Variants in GPR137B observed in about 807,000 individuals in gnomAD.
The protein encoded by GPR137B is integral membrane protein GPR137B.
A neutral mutation model predicts 42.5 loss-of-function variants in GPR137B; 42 were observed. That is an observed-to-expected ratio of 0.99 (90% CI 0.77 to 1.28). The LOEUF (loss-of-function observed/expected upper bound fraction) is 1.28, where lower values mean the gene tolerates loss of function less well. GPR137B is among the 50% of genes most tolerant of loss of function. The probability of loss-of-function intolerance (pLI) is 0.00; values close to 1 mark genes in which losing one functional copy is unlikely to be tolerated. For synonymous variants in GPR137B, 218 were observed against 209.7 expected (o/e 1.04, Z -0.34); for missense variants, 487 against 493.9 (o/e 0.99, Z 0.13).
At chr1:236,154,323 G>A (rs754864819) in intron 1 of GPR137B, among the ~76,000 whole-genome samples, 18 of 152,130 alleles carry the variant, frequency 1.2e-4, no homozygotes, top group Non-Finnish European at 1.8e-4. Flanking sequence ...AACAGCACGC[G>A]TCATCCGTCC....
At chr1:236,183,589 T>C (rs963474583) in intron 4 of GPR137B, among the ~76,000 whole-genome samples, 189 bp from the exon 5 acceptor site, 7 of 152,230 alleles carry the variant, frequency 4.6e-5, no homozygotes, top group Admixed American at 2.0e-4. Flanking sequence ...TTTAGGAGAA[T>C]GTACTATACT....
chr1:236,150,878 C>G lies in GPR137B; in HGVS notation c.414+7842C>G, dbSNP rs532556513. Among the ~76,000 whole-genome samples the G allele has an allele frequency of 1.3e-5, 2 of 152,312 alleles. No individual in the cohort carries two copies. Among genetic ancestry groups the G allele is most frequent in the African/African-American group, 4.8e-5 (2 of 41,568 alleles). On this transcript the variant is annotated intron_variant, in intron 1 of 6. Transcript: ENST00000366592. The surrounding 1 kb of genome is among the most constrained non-coding windows in gnomAD (Gnocchi z 6.2). ...CATGGCTGTCCCGCTGCTGCTGTGC[C>G]CACCCTCTGAGCCCCAGGCTAGCTG...
At position 236,208,746 on chromosome 1, in the gene GPR137B, T is replaced by C. The variant is rs1386053926; in HGVS notation, c.*588T>C. 1.0e-6 allele frequency: 1 copy of C among 985,350 alleles called. No individual in the cohort carries two copies. The highest frequency in any genetic ancestry group is 6.1e-5 in the Admixed American group (1 of 16,264). 61.0% of individuals were successfully genotyped at this position (985,350 alleles called of 1,614,324 possible). The stretch of plus-strand genomic sequence containing the variant: ...CTGTAAGGTCTTTAGAGATTTTTTT[T>C]TTAAGGTTCAGGCCGTAGGTTCCTC... On this transcript the variant is annotated 3_prime_UTR_variant, in exon 7 of 7. Transcript: ENST00000366592.
At chr1:236,157,920 C>A (rs1662079470) in intron 1 of GPR137B, among the ~76,000 whole-genome samples, 1 of 152,106 alleles carries the variant, frequency 6.6e-6, no homozygotes, top group Non-Finnish European at 1.5e-5. Context: ...AAACAAACTG[C>A]AGAAGGTTAT....
intron 5 of GPR137B, among the ~76,000 whole-genome samples, chr1:236,200,524 T>A (rs1663463008): frequency 1.3e-5 from 2 of 151,996 alleles, no homozygotes; most frequent in Admixed American, 1.3e-4. Flanking sequence ...ATTTGGGGGC[T>A]CCCATATTAG....
intron 2 of GPR137B, among the ~76,000 whole-genome samples, chr1:236,172,854 A>T (rs1177775874): frequency 3.3e-5 from 5 of 151,366 alleles, no homozygotes; most frequent in African/African-American, 1.2e-4. Context: ...CCAGCTAATT[A>T]AAAAAAAATT....
chr1:236,148,985 G>T (rs1022159006), intron 1 of GPR137B, among the ~76,000 whole-genome samples: 1 of 152,160 alleles, frequency 6.6e-6, no homozygotes, highest in African/African-American at 2.4e-5. Context: ...ATGGGTCGGA[G>T]TGGGTTAAAG....
Position 236,156,618 on chromosome 1 carries a change from C to T in GPR137B, c.415-12088C>T, listed in dbSNP as rs573500950. On this transcript the variant is annotated intron_variant, in intron 1 of 6. Transcript: ENST00000366592. The surrounding 1 kb of genome is among the most constrained non-coding windows in gnomAD (Gnocchi z 4.8). ...GCAGATCCCCTCCCCGCCGCAGAGC[C>T]GCCTTGTGTGTCTTCCGGGAACCCT... Among the ~76,000 whole-genome samples, 18 of 152,324 alleles carry T rather than the reference C, an allele frequency of 1.2e-4. No homozygotes were observed. The highest frequency in any genetic ancestry group is 3.9e-4 in the East Asian group (2 of 5,182).
rs182623028 is a variant in GPR137B at position 236,167,141 on chromosome 1, G to A, written c.415-1565G>A. Among the ~76,000 whole-genome samples, 244 of 152,284 alleles carry A rather than the reference G, an allele frequency of 1.6e-3. 1 individual carries two copies. Among genetic ancestry groups the A allele is most frequent in the Middle Eastern group, 3.4e-3 (1 of 294 alleles). ...GCTTCATTGAAGTATAATTGACAAA[G>A]ACGGAATATATTCAAAGTGTGCACC... is the stretch of plus-strand genomic sequence containing the variant. On this transcript the variant is annotated intron_variant, in intron 1 of 6. Coordinates refer to ENST00000366592, the MANE Select transcript of GPR137B (RefSeq NM_003272.4).
At chr1:236,190,814 G>A (rs955410023) in intron 5 of GPR137B, among the ~76,000 whole-genome samples, 1 of 151,356 alleles carries the variant, frequency 6.6e-6, no homozygotes, top group Non-Finnish European at 1.5e-5. Context: ...TGTGTCTGAC[G>A]ATTATGTGTC....
At chr1:236,173,988 A>C (rs1440786771) in intron 2 of GPR137B, among the ~76,000 whole-genome samples, 1 of 152,202 alleles carries the variant, frequency 6.6e-6, no homozygotes, top group Non-Finnish European at 1.5e-5. Context: ...ATGTGGAAAG[A>C]AAGCAAGCAA....
intron 2 of GPR137B, among the ~76,000 whole-genome samples, chr1:236,177,174 C>A (rs1251264756): frequency 6.6e-6 from 1 of 152,078 alleles, no homozygotes; most frequent in Non-Finnish European, 1.5e-5. Context: ...AAATGCCATT[C>A]GGATTAGCCT....
At chr1:236,178,987 C>T (rs942320992) in intron 3 of GPR137B, among the ~76,000 whole-genome samples, 8 of 151,060 alleles carry the variant, frequency 5.3e-5, no homozygotes, top group Admixed American at 2.6e-4. Context: ...TTAGTAGAGA[C>T]GGGGTTTCAC....
chr1:236,178,995 C>A (rs2102910877), intron 3 of GPR137B, among the ~76,000 whole-genome samples: 1 of 151,612 alleles, frequency 6.6e-6, no homozygotes, highest in South Asian at 2.1e-4. Context: ...GACGGGGTTT[C>A]ACTGTGTTAG....
intron 5 of GPR137B, among the ~76,000 whole-genome samples, chr1:236,196,622 C>T (rs1263160880): frequency 6.6e-6 from 1 of 152,120 alleles, no homozygotes; most frequent in East Asian, 1.9e-4. Flanking sequence ...TTCCACCCTT[C>T]CCCCAGGTCC....
intron 6 of GPR137B, among the ~76,000 whole-genome samples, chr1:236,207,708 G>A (rs1287610784): frequency 2.0e-5 from 3 of 152,216 alleles, no homozygotes; most frequent in Non-Finnish European, 4.4e-5. Flanking sequence ...AGGCATAGAA[G>A]TTACTTGTCC....
intron 5 of GPR137B, among the ~76,000 whole-genome samples, chr1:236,203,420 T>C (rs1363715171): frequency 6.6e-6 from 1 of 152,192 alleles, no homozygotes; most frequent in Non-Finnish European, 1.5e-5. Flanking sequence ...TTTTAGTTAC[T>C]ATAACTCTGT....
chr1:236,167,746 C>A (rs916609818), intron 1 of GPR137B, among the ~76,000 whole-genome samples: 1 of 152,196 alleles, frequency 6.6e-6, no homozygotes, highest in Non-Finnish European at 1.5e-5. Flanking sequence ...CAGAGACCCC[C>A]CACTGAGATC....
rs1405128961 is a variant in GPR137B at position 236,151,417 on chromosome 1, C to CCT, written c.414+8381_414+8382insCT. Reference sequence around the variant, plus strand: ...CCACATATGGTCTCTGTTGCATATTCATTTTTTTTTTTTTTTTTTTTTTTT... The same window carrying CCT: ...CCACATATGGTCTCTGTTGCATATTCCTATTTTTTTTTTTTTTTTTTTTTTTT... On this transcript the variant is annotated intron_variant, in intron 1 of 6. Coordinates refer to ENST00000366592, the MANE Select transcript of GPR137B (RefSeq NM_003272.4). 9.2e-4 allele frequency among the ~76,000 whole-genome samples: 117 copies of CCT among 126,600 alleles called. 9 individuals are homozygous for CCT. The East Asian group carries it at 0.014, about 15-fold the overall frequency. 83.1% of individuals were successfully genotyped at this position (126,600 alleles called of 152,430 possible).
Sources: gnomAD v4.1 joint callset for allele counts (sites outside exome capture counted in the v4.1 genomes callset) on GRCh38, gnomAD v4.1.1 for gene constraint, Gnocchi (gnomAD v3.1) non-coding constraint, MANE v1.5 for transcripts, NCBI Gene and HGNC (gene_info 2026-07-23, HGNC 2026-07-21) for gene names.